ITPA: variants seen among roughly 807,000 people sequenced by gnomAD.
ITPA encodes inosine triphosphatase.
Under a neutral mutation model 29.6 loss-of-function variants are expected in ITPA, and 29 were observed. That is an observed-to-expected ratio of 0.98 (90% CI 0.73 to 1.34). ITPA has a LOEUF of 1.34. Ranked by LOEUF, ITPA falls within the 40% of genes most tolerant of loss-of-function variation. ITPA has a pLI of 0.00. For missense variants in ITPA, 241 were observed against 251.5 expected, an observed-to-expected ratio of 0.96 and a Z score of 0.28; for synonymous variants, 103 against 99.3, an observed-to-expected ratio of 1.04 and a Z score of -0.22.
chr20:3,219,669 C>A (rs2067409605), intron 6 of ITPA, among the ~76,000 whole-genome samples: 1 of 149,558 alleles, frequency 6.7e-6, no homozygotes. Context: ...CACTTGAACC[C>A]AGGAGGCGGA....
chr20:3,208,713 G>A (rs963211399), upstream of ITPA, among the ~76,000 whole-genome samples: 3 of 152,210 alleles, frequency 2.0e-5, no homozygotes, highest in African/African-American at 4.8e-5. Flanking sequence ...GAGGAGCTTG[G>A]TAAGAACTCA....
At chr20:3,211,240 A>C (rs2067166311) in intron 1 of ITPA, among the ~76,000 whole-genome samples, 1 of 146,910 alleles carries the variant, frequency 6.8e-6, no homozygotes, top group Non-Finnish European at 1.5e-5. Context: ...ATCTCTGCTG[A>C]CTGCAACCTC....
At chr20:3,222,639 A>AT (rs1332964401) in intron 7 of ITPA, among the ~76,000 whole-genome samples, 1 of 152,114 alleles carries the variant, frequency 6.6e-6, no homozygotes, top group Non-Finnish European at 1.5e-5. Flanking sequence ...GTTCGCACAA[A>AT]TCGCCCCTTG....
chr20:3,207,504 G>C (rs2067081567), upstream of ITPA, among the ~76,000 whole-genome samples: 1 of 152,062 alleles, frequency 6.6e-6, no homozygotes, highest in Non-Finnish European at 1.5e-5. Flanking sequence ...GACCAGCCTG[G>C]TCAATATGGT....
chr20:3,204,672 G>T, upstream of ITPA: 2 of 1,527,084 alleles, frequency 1.3e-6, no homozygotes, highest in Non-Finnish European at 1.8e-6. Flanking sequence ...CCTGAGGCCG[G>T]GATCTCATAG....
chr20:3,226,348 A>G (rs1200589887), downstream of ITPA, among the ~76,000 whole-genome samples: 1 of 152,212 alleles, frequency 6.6e-6, no homozygotes, highest in Admixed American at 6.5e-5. The surrounding 1 kb of genome is among the most constrained non-coding windows in gnomAD (Gnocchi z 4.4). Context: ...TGTTGTGCAC[A>G]GTGAGAGCGG....
intron 6 of ITPA, among the ~76,000 whole-genome samples, chr20:3,221,258 T>C (rs2067455986): frequency 6.6e-6 from 1 of 151,898 alleles, no homozygotes; most frequent in East Asian, 1.9e-4. Flanking sequence ...TTCATGTCAC[T>C]GGATTACAAT....
intron 1 of ITPA, among the ~76,000 whole-genome samples, chr20:3,210,592 G>A (rs191808085): frequency 6.6e-6 from 1 of 151,980 alleles, no homozygotes; most frequent in Admixed American, 6.6e-5. Context: ...ATGTCACTTT[G>A]GTGCCAGGAC....
chr20:3,216,619 A>G lies in ITPA; in HGVS notation c.295+1307A>G, dbSNP rs8116264. On this transcript the variant is annotated intron_variant, in intron 5 of 7. Coordinates refer to ENST00000380113, the MANE Select transcript of ITPA (RefSeq NM_033453.4). ...CAGGCACCTGCCACCATGACCAGCT[A>G]ATTTTTTGTATTTTTTGTAGAGGGG... Among the ~76,000 whole-genome samples the G allele has an allele frequency of 8.2e-3, 1,246 of 151,338 alleles. 17 individuals carry two copies. Among genetic ancestry groups the G allele is most frequent in the African/African-American group, 0.028 (1,168 of 41,164 alleles).
chr20:3,208,567 G>A (rs892392243), upstream of ITPA, among the ~76,000 whole-genome samples: 9 of 152,160 alleles, frequency 5.9e-5, no homozygotes, highest in African/African-American at 2.2e-4. Context: ...GTAGAGATGG[G>A]GTTTCTCCAT....
upstream of ITPA, among the ~76,000 whole-genome samples, chr20:3,206,193 A>G (rs1272412197): frequency 6.6e-6 from 1 of 151,844 alleles, no homozygotes; most frequent in Non-Finnish European, 1.5e-5. Flanking sequence ...GTTTGAGACC[A>G]GCCTGACAAA....
At chr20:3,207,117 G>C (rs1043595583), upstream of ITPA, among the ~76,000 whole-genome samples, 1 of 152,066 alleles carries the variant, frequency 6.6e-6, no homozygotes, top group Non-Finnish European at 1.5e-5. Context: ...TTGAGACAGG[G>C]TCTCACTCAC....
chr20:3,208,755 G>A (rs1297787955), upstream of ITPA: 5 of 152,668 alleles, frequency 3.3e-5, no homozygotes, highest in African/African-American at 1.2e-4. Context: ...ATGGGCAGAA[G>A]TGGCCATTCA....
intron 1 of ITPA, among the ~76,000 whole-genome samples, chr20:3,211,721 G>A (rs999044275): frequency 3.9e-5 from 6 of 152,072 alleles, no homozygotes; most frequent in African/African-American, 7.2e-5. Context: ...TCGAACTCCC[G>A]ACCTCAGGTG....
chr20:3,218,436 C>T, intron 5 of ITPA, 81 bp from the exon 6 acceptor site: 1 of 1,021,136 alleles, frequency 9.8e-7, no homozygotes, highest in Non-Finnish European at 1.5e-6. Flanking sequence ...TTCCTCCCTC[C>T]CCACCCTTAG....
intron 6 of ITPA, 61 bp from the exon 7 acceptor site, chr20:3,221,780 G>C (rs2067469594): frequency 6.7e-7 from 1 of 1,482,418 alleles, no homozygotes; most frequent in Non-Finnish European, 9.4e-7. Context: ...ACTGGCCACT[G>C]CCCTCCTCGT....
Position 3,223,544 on chromosome 20 carries a change from C to G in ITPA, c.*82C>G. 1.9e-6 allele frequency: 2 copies of G among 1,033,178 alleles called. No homozygotes were observed. The highest frequency in any genetic ancestry group is 2.9e-6 in the Non-Finnish European group (2 of 679,768). 64.0% of individuals were successfully genotyped at this position (1,033,178 alleles called of 1,614,324 possible). The stretch of plus-strand genomic sequence containing the variant: ...ACCTCCCGCATCGGGCAGGCACCCC[C>G]TGAAGTACTTCCTTCAGGGTTTCCC... On this transcript the variant is annotated 3_prime_UTR_variant, in exon 8 of 8. Transcript: ENST00000380113.
chr20:3,223,757 T>C lies in ITPA; in HGVS notation c.*295T>C. On this transcript the variant is annotated 3_prime_UTR_variant, in exon 8 of 8. Transcript: ENST00000380113. ...GCTGTACTTGGTGGGAGTGAGGGCG[T>C]GGGGAGGAACCATGCAAATCGCCTT... The C allele has an allele frequency of 2.0e-6, 1 of 503,176 alleles. No homozygotes were observed. Among genetic ancestry groups the C allele is most frequent in the Non-Finnish European group, 3.6e-6 (1 of 277,094 alleles). The allele number at this position is 503,176 out of a possible 1,614,324, so 31.2% of individuals were successfully genotyped here.
chr20:3,223,579 G>GCTACTCGACACCCTCACAAA lies in ITPA; in HGVS notation c.*117_*118insCTACTCGACACCCTCACAAA. ...TCCTTCAGGGTTTCCCCTTTGTGAG[G>GCTACTCGACACCCTCACAAA]GTGTCGAGTAGCCTCACCGGCCTGT... On this transcript the variant is annotated 3_prime_UTR_variant, in exon 8 of 8. Coordinates refer to ENST00000380113, the MANE Select transcript of ITPA (RefSeq NM_033453.4). 1 of 792,654 alleles carries GCTACTCGACACCCTCACAAA rather than the reference G, an allele frequency of 1.3e-6. No individual in the cohort carries two copies. The highest frequency in any genetic ancestry group is 2.1e-6 in the Non-Finnish European group (1 of 470,444). 49.1% of individuals were successfully genotyped at this position (792,654 alleles called of 1,614,324 possible).
Sources: allele counts gnomAD v4.1 joint callset (sites outside exome capture counted in the v4.1 genomes callset), GRCh38; gene constraint gnomAD v4.1.1; non-coding constraint Gnocchi (gnomAD v3.1); transcripts MANE v1.5; gene names NCBI Gene and HGNC (gene_info 2026-07-23, HGNC 2026-07-21).